The following DENND5A variants were observed in gnomAD, a reference collection of about 807,000 sequenced individuals.
DENND5A encodes DENN domain containing 5A.
In DENND5A, 64 loss-of-function variants were observed where a neutral mutation model predicts 140.3. That is an observed-to-expected ratio of 0.46 (90% confidence interval 0.37 to 0.56). DENND5A has a LOEUF of 0.56. Among genes scored for constraint, DENND5A ranks in the 20% least tolerant of loss-of-function variants. The pLI, the probability that DENND5A is intolerant of heterozygous loss-of-function variation, is 0.00. For missense variants in DENND5A, 1,292 were observed against 1,593.8 expected (o/e 0.81, Z 3.22); for synonymous variants, 605 against 607.7 (o/e 1.00, Z 0.07).
At position 9,142,763 on chromosome 11, in the gene DENND5A, G is replaced by A. The variant is rs777434155; in HGVS notation, c.3470C>T (p.Ser1157Leu). The A allele has an allele frequency of 1.9e-6, 3 of 1,614,018 alleles. No individual in the cohort carries two copies. The highest frequency in any genetic ancestry group is 1.3e-5 in the African/African-American group (1 of 74,910). The part of the protein sequence containing the change: ...LEQAFQHGFK[S>L]PRLFKNVFIW... ...GAAGACATTTTTGAAGAGCCGGGGC[G>A]ATTTAAATCCATGCTGGAAAGCCTG... Residue 1157 changes from serine (S) to leucine (L), a missense_variant, in exon 21 of 23, where the codon TCG (serine) becomes TTG (leucine). Around this residue, in one of 4 missense-constraint regions of DENND5A, gnomAD observed 498 missense variants for 689.7 expected, o/e 0.72. Coordinates refer to ENST00000328194, the MANE Select transcript of DENND5A (RefSeq NM_015213.4).
chr11:9,150,722 G>A lies in DENND5A; in HGVS notation c.2564C>T (p.Ser855Leu). 6.2e-7 allele frequency: 1 copy of A among 1,613,720 alleles called. No homozygotes were observed. ...GGAGATCCTCAGGGGAGGCATGAGT[G>A]AGCTGGCATCAGACTTCCTACGTTC... ...DSERRKSDASSLMPPLRISLI... is the reference protein window; with the variant it reads ...DSERRKSDASLLMPPLRISLI... Residue 855 changes from serine (S) to leucine (L), a missense_variant, in exon 14 of 23, where the codon TCA (serine) becomes TTA (leucine). This residue lies in a region of DENND5A where 498 missense variants were observed against 689.7 expected (regional missense o/e 0.72). Coordinates refer to ENST00000328194, the MANE Select transcript of DENND5A (RefSeq NM_015213.4).
intron 4 of DENND5A, among the ~76,000 whole-genome samples, chr11:9,198,967 G>A (rs1849429577): frequency 7.2e-6 from 1 of 138,354 alleles, no homozygotes; most frequent in Non-Finnish European, 1.6e-5. Flanking sequence ...TGAGGCAGGA[G>A]ACTCACTTGA....
chr11:9,202,495 T>C (rs1392556028), intron 4 of DENND5A, among the ~76,000 whole-genome samples: 3 of 152,194 alleles, frequency 2.0e-5, no homozygotes, highest in African/African-American at 4.8e-5. Context: ...ATTGGTGAAT[T>C]TGGGATAGGT....
At chr11:9,210,027 A>G (rs1039422586) in intron 1 of DENND5A, among the ~76,000 whole-genome samples, 2 of 152,038 alleles carry the variant, frequency 1.3e-5, no homozygotes, top group Non-Finnish European at 2.9e-5. Context: ...GAATCACTTG[A>G]ACCCGGGGGA....
At chr11:9,236,665 T>G (rs12271914) in intron 1 of DENND5A, among the ~76,000 whole-genome samples, 6,454 of 151,956 alleles carry the variant, frequency 0.042, 468 homozygotes, top group African/African-American at 0.15. Flanking sequence ...GAAGACTGCT[T>G]GAGCCCAGGA....
chr11:9,152,446 G>A lies in DENND5A; in HGVS notation c.2437-4C>T. On this transcript the variant is annotated splice_polypyrimidine_tract_variant and splice_region_variant and intron_variant, in intron 12 of 22. Transcript: ENST00000328194. ...GGGACCATAAGGCTGATTTCCCCTGGAACCAATGCAAGGGAGAAACACCTA... is the reference window on the plus strand; with the variant it reads ...GGGACCATAAGGCTGATTTCCCCTGAAACCAATGCAAGGGAGAAACACCTA... 2 of 1,606,570 alleles carry A rather than the reference G, an allele frequency of 1.2e-6. No homozygotes were observed. Among genetic ancestry groups the A allele is most frequent in the Non-Finnish European group, 1.7e-6 (2 of 1,173,130 alleles).
chr11:9,177,024 G>C, intron 8 of DENND5A: 1 of 421,884 alleles, frequency 2.4e-6, no homozygotes, highest in South Asian at 1.7e-5. Context: ...GAATGCAGAG[G>C]TGGGAGAACT....
intron 13 of DENND5A, among the ~76,000 whole-genome samples, chr11:9,151,197 C>T (rs1253357385): frequency 1.3e-5 from 2 of 152,162 alleles, no homozygotes; most frequent in Non-Finnish European, 2.9e-5. Flanking sequence ...TTCACAGCAG[C>T]CTACAAAAGC....
intron 10 of DENND5A, among the ~76,000 whole-genome samples, chr11:9,166,838 T>A (rs979641492): frequency 5.3e-5 from 8 of 150,522 alleles, no homozygotes; most frequent in African/African-American, 2.4e-5. Flanking sequence ...TCACAAAAAA[T>A]AAATAAATAA....
chr11:9,186,777 C>T (rs556469596), intron 5 of DENND5A, among the ~76,000 whole-genome samples: 9 of 152,136 alleles, frequency 5.9e-5, no homozygotes, highest in African/African-American at 2.2e-4. Context: ...GTTAATATAC[C>T]CTAGAGACTG....
rs78498427 is a variant in DENND5A, at chr11:9,215,566, G to C, written c.110-7934C>G. 1.7e-4 allele frequency among the ~76,000 whole-genome samples: 8 copies of C among 46,954 alleles called. No individual in the cohort carries two copies. The East Asian group carries it at 2.8e-3, about 17-fold the overall frequency. The allele number at this position is 46,954 out of a possible 152,430, so 30.8% of individuals were successfully genotyped here. A position where few individuals can be genotyped will look rare whatever the true frequency, so the allele number is the denominator to read the frequency against. Reference sequence around the variant, plus strand: ...TCCTGTGTTCTTTTTTTTTTTTTTTGAGATGGAGTCTCGCTCTGTCGCCCA... The same window carrying C: ...TCCTGTGTTCTTTTTTTTTTTTTTTCAGATGGAGTCTCGCTCTGTCGCCCA... On this transcript the variant is annotated intron_variant, in intron 1 of 22. Transcript: ENST00000328194.
intron 15 of DENND5A, among the ~76,000 whole-genome samples, chr11:9,148,490 C>T (rs1463799507): frequency 6.6e-6 from 1 of 152,028 alleles, no homozygotes; most frequent in African/African-American, 2.4e-5. Flanking sequence ...AAATTTAGTG[C>T]AGGTGAGAAG....
rs1380849489 is a variant in DENND5A at position 9,145,718 on chromosome 11, C to T, written c.2955G>A (p.Glu985=). 1 of 1,614,238 alleles carries T rather than the reference C, an allele frequency of 6.2e-7. No individual in the cohort carries two copies. Among genetic ancestry groups the T allele is most frequent in the East Asian group, 2.2e-5 (1 of 44,888 alleles). The part of the protein sequence containing the change: ...PWICISGELG[E]TQIMQIPRNV... ...TCCTGGGAATCTGCATGATCTGTGTCTCACCCAATTCTCCTGATATACAGA... is the reference window on the plus strand; with the variant it reads ...TCCTGGGAATCTGCATGATCTGTGTTTCACCCAATTCTCCTGATATACAGA... Residue 985 remains glutamate (E), a synonymous_variant, in exon 17 of 23, where the codon GAG becomes GAA. Coordinates refer to ENST00000328194, the MANE Select transcript of DENND5A (RefSeq NM_015213.4).
chr11:9,253,922 C>T (rs533769077), intron 1 of DENND5A, among the ~76,000 whole-genome samples: 1 of 151,990 alleles, frequency 6.6e-6, no homozygotes, highest in Non-Finnish European at 1.5e-5. Flanking sequence ...CTTTGGGAGG[C>T]CGAGACGGGC....
chr11:9,177,745 A>G (rs563946239), intron 8 of DENND5A, among the ~76,000 whole-genome samples: 1 of 151,868 alleles, frequency 6.6e-6, no homozygotes, highest in African/African-American at 2.4e-5. Flanking sequence ...ATGAGGCAAC[A>G]GTATGACCAT....
chr11:9,190,395 T>G (rs950123327), intron 5 of DENND5A, among the ~76,000 whole-genome samples: 2 of 152,132 alleles, frequency 1.3e-5, no homozygotes, highest in Non-Finnish European at 2.9e-5. Flanking sequence ...TAGGGGGTAG[T>G]TGAATCATGG....
rs200310404 is a variant in DENND5A at position 9,250,044 on chromosome 11, T to TTA, written c.109+14916_109+14917insTA. ...TGTTCATGCCTTTAAAAATAAAATT[T>TTA]AAAAAAAAAAAAAAAATCCTTAAAA... On this transcript the variant is annotated intron_variant, in intron 1 of 22. Transcript: ENST00000328194. Among the ~76,000 whole-genome samples the TTA allele has an allele frequency of 1.7e-3, 230 of 138,560 alleles. 1 individual carries two copies. The highest frequency in any genetic ancestry group is 0.011 in the Middle Eastern group (3 of 278). The allele number at this position is 138,560 out of a possible 152,430, so 90.9% of individuals were successfully genotyped here. A position where few individuals can be genotyped will look rare whatever the true frequency, so the allele number is the denominator to read the frequency against.
chr11:9,204,388 ATTTAT>A, intron 3 of DENND5A, 71 bp from the exon 4 acceptor site: 1 of 1,407,738 alleles, frequency 7.1e-7, no homozygotes, highest in South Asian at 1.3e-5. Context: ...CACCATCACT[ATTTAT>A]TTATTTATAG....
intron 1 of DENND5A, among the ~76,000 whole-genome samples, chr11:9,240,515 G>C (rs1031635833): frequency 2.0e-5 from 3 of 152,170 alleles, no homozygotes; most frequent in African/African-American, 7.2e-5. Flanking sequence ...TTAGAGACCA[G>C]CCTGGGCAAC....
Sources: gnomAD v4.1 joint callset for allele counts (sites outside exome capture counted in the v4.1 genomes callset) on GRCh38, gnomAD v4.1.1 for gene constraint, gnomAD v4.1.1 regional missense constraint, MANE v1.5 for transcripts, NCBI Gene and HGNC (gene_info 2026-07-23, HGNC 2026-07-21) for gene names.